Variants in AIM2 observed in about 807,000 individuals in gnomAD.
AIM2 encodes absent in melanoma 2.
AIM2 carries 30 observed loss-of-function variants against 27.7 expected under a neutral mutation model. The observed-to-expected ratio is 1.08, with a 90% CI of 0.81 to 1.47. AIM2 has a LOEUF of 1.47. Among genes scored for constraint, AIM2 ranks in the 40% most tolerant of loss-of-function variants. AIM2 has a pLI of 0.00. For missense variants in AIM2, 358 were observed against 411.3 expected, an observed-to-expected ratio of 0.87 and a Z score of 1.12; for synonymous variants, 141 against 145.3, an observed-to-expected ratio of 0.97 and a Z score of 0.21.
chr1:159,118,579 A>G (rs1432635029), intron 1 of AIM2, among the ~76,000 whole-genome samples: 1 of 152,182 alleles, frequency 6.6e-6, no homozygotes, highest in Non-Finnish European at 1.5e-5. Context: ...CATTATAAAG[A>G]GCAAATATCT....
upstream of AIM2, among the ~76,000 whole-genome samples, chr1:159,079,084 A>T (rs1488413850): frequency 6.6e-6 from 1 of 151,984 alleles, no homozygotes; most frequent in Non-Finnish European, 1.5e-5. Flanking sequence ...AAAGCCTCCA[A>T]CTTAAAAAAA....
At chr1:159,061,431 C>T (rs1655830064), downstream of AIM2, among the ~76,000 whole-genome samples, 2 of 152,062 alleles carry the variant, frequency 1.3e-5, no homozygotes, top group Admixed American at 1.3e-4. Flanking sequence ...CTTACTCTAT[C>T]ACCCAGGCTG....
At chr1:159,127,119 C>T (rs1260613097) in intron 1 of AIM2, among the ~76,000 whole-genome samples, 1 of 152,130 alleles carries the variant, frequency 6.6e-6, no homozygotes, top group Non-Finnish European at 1.5e-5. Context: ...CCCCTAGGGA[C>T]TGAGAAAGAA....
chr1:159,137,366 A>G (rs1648028655), intron 1 of AIM2, among the ~76,000 whole-genome samples: 1 of 152,140 alleles, frequency 6.6e-6, no homozygotes, highest in Non-Finnish European at 1.5e-5. Context: ...ATTAAAACCT[A>G]CGTGCTGGGG....
chr1:159,072,380 A>T (rs936124540), intron 2 of AIM2, among the ~76,000 whole-genome samples: 1 of 152,192 alleles, frequency 6.6e-6, no homozygotes, highest in African/African-American at 2.4e-5. Context: ...TACACCCACA[A>T]ATGCTACTAA....
At chr1:159,077,661 C>G (rs1483169773), upstream of AIM2, among the ~76,000 whole-genome samples, 1 of 152,166 alleles carries the variant, frequency 6.6e-6, no homozygotes. Context: ...TTGTAGCCAC[C>G]TGCAAGTAAT....
At position 159,066,086 on chromosome 1, in the gene AIM2, G is replaced by A. The variant is rs1656077996; in HGVS notation, c.640C>T (p.Arg214Trp). 1.4e-5 allele frequency: 22 copies of A among 1,614,012 alleles called. No individual in the cohort carries two copies. The highest frequency in any genetic ancestry group is 1.6e-4 in the Middle Eastern group (1 of 6,084). The change falls in exon 4 of 6, where the codon CGG becomes TGG. Residue 214 changes from arginine to tryptophan, a missense_variant. Transcript: ENST00000368130. ...TTTACCTCTAAGAAACCACTGTGCC[G>A]ATAATATCTTGCTATTATAATTATT... ...KRIIIIARYY[R>W]HSGFLEVNSA... is the part of the protein sequence containing the mutation.
intron 1 of AIM2, among the ~76,000 whole-genome samples, chr1:159,084,778 T>C (rs866021977): frequency 3.7e-5 from 5 of 135,136 alleles, no homozygotes; most frequent in African/African-American, 5.5e-5. Flanking sequence ...CTGTCTGAAA[T>C]ACACACACAC....
At chr1:159,068,510 T>TGACAGTG in intron 3 of AIM2, 58 bp downstream of exon 3, 1 of 1,527,492 alleles carries the variant, frequency 6.5e-7, no homozygotes. Context: ...ATATGGGAAG[T>TGACAGTG]GACAGTGACA....
At chr1:159,116,361 C>T (rs1174888787) in intron 1 of AIM2, among the ~76,000 whole-genome samples, 4 of 152,176 alleles carry the variant, frequency 2.6e-5, no homozygotes, top group Non-Finnish European at 5.9e-5. Context: ...ATAAATCATG[C>T]TGCTATAAAG....
rs763723491 is a variant in AIM2 at position 159,066,146 on chromosome 1, T to C, written c.580A>G (p.Asn194Asp). ...ATGAATTTATCTTTCAGCAGTGTAT[T>C]AAAAACTTTTACAAAGAAGAATTCC... ...EKEFFFVKVF[N>D]TLLKDKFIPK... Residue 194 changes from asparagine (N) to aspartate (D), a missense_variant, in exon 4 of 6, where the codon AAT becomes GAT. Coordinates refer to ENST00000368130, the MANE Select transcript of AIM2 (RefSeq NM_004833.3). 76 of 1,614,070 alleles carry C rather than the reference T, an allele frequency of 4.7e-5. No homozygotes were observed. Among genetic ancestry groups the C allele is most frequent in the Non-Finnish European group, 6.2e-5 (73 of 1,180,020 alleles).
At chr1:159,098,371 C>T (rs529741918) in intron 1 of AIM2, among the ~76,000 whole-genome samples, 119 of 152,184 alleles carry the variant, frequency 7.8e-4, no homozygotes, top group African/African-American at 2.8e-3. Context: ...CAACAGTTGC[C>T]ACTAACCGTA....
At chr1:159,092,916 C>T (rs1361648258) in intron 1 of AIM2, among the ~76,000 whole-genome samples, 1 of 152,030 alleles carries the variant, frequency 6.6e-6, no homozygotes. Flanking sequence ...ATCCCAGCTA[C>T]TTGGGAGGCT....
intron 1 of AIM2, among the ~76,000 whole-genome samples, chr1:159,101,050 T>C (rs1213458885): frequency 6.6e-6 from 1 of 152,176 alleles, no homozygotes; most frequent in African/African-American, 2.4e-5. Context: ...ACAGATAAGT[T>C]AGACAACATC....
At chr1:159,074,755 A>G (rs943575219) in intron 1 of AIM2, among the ~76,000 whole-genome samples, 8 of 152,318 alleles carry the variant, frequency 5.3e-5, no homozygotes, top group African/African-American at 1.7e-4. Context: ...GTACATAAGA[A>G]CATCGAATAC....
downstream of AIM2, among the ~76,000 whole-genome samples, chr1:159,060,556 C>T (rs952629396): frequency 2.6e-5 from 4 of 152,172 alleles, no homozygotes; most frequent in South Asian, 2.1e-4. Context: ...GCTTTGTTGC[C>T]GGCCTTCCTC....
At chr1:159,126,995 G>A (rs1263782925) in intron 1 of AIM2, among the ~76,000 whole-genome samples, 1 of 152,152 alleles carries the variant, frequency 6.6e-6, no homozygotes, top group East Asian at 1.9e-4. Flanking sequence ...ACTCATATAA[G>A]AATATGTTTC....
chr1:159,121,667 T>C (rs560644739), intron 1 of AIM2, among the ~76,000 whole-genome samples: 1 of 152,304 alleles, frequency 6.6e-6, no homozygotes, highest in Non-Finnish European at 1.5e-5. Context: ...GACCAGGTAA[T>C]GACTGCAGGG....
chr1:159,137,781 C>T (rs1253794958), intron 1 of AIM2, among the ~76,000 whole-genome samples: 1 of 152,160 alleles, frequency 6.6e-6, no homozygotes, highest in Non-Finnish European at 1.5e-5. Flanking sequence ...ATGCAAAGTA[C>T]TGCGCATTTT....
Sources: gnomAD v4.1 joint callset for allele counts (sites outside exome capture counted in the v4.1 genomes callset) on GRCh38, gnomAD v4.1.1 for gene constraint, MANE v1.5 for transcripts, NCBI Gene and HGNC (gene_info 2026-07-23, HGNC 2026-07-21) for gene names.